The following PIWIL3 variants were observed in gnomAD, a reference collection of about 807,000 sequenced individuals.
PIWIL3 encodes piwi-like protein 3.
In PIWIL3, 101 loss-of-function variants were observed where a neutral mutation model predicts 109.7. That is an observed-to-expected ratio of 0.92 (90% CI 0.78 to 1.09). PIWIL3 has a LOEUF of 1.09. PIWIL3 is among the 50% of genes least tolerant of loss of function. The probability of loss-of-function intolerance (pLI) is 0.00; values close to 1 mark genes in which losing one functional copy is unlikely to be tolerated. For synonymous variants in PIWIL3, 373 were observed against 376.4 expected, an observed-to-expected ratio of 0.99 and a Z score of 0.10; for missense variants, 1,031 against 1,072.6, an observed-to-expected ratio of 0.96 and a Z score of 0.54.
At chr22:24,755,540 C>T (rs1924972051) in intron 6 of PIWIL3, among the ~76,000 whole-genome samples, 1 of 151,050 alleles carries the variant, frequency 6.6e-6, no homozygotes, top group African/African-American at 2.4e-5. Context: ...GTCTATTACT[C>T]TTTCTAGGCA....
intron 18 of PIWIL3, among the ~76,000 whole-genome samples, chr22:24,724,291 C>A (rs567185156): frequency 6.6e-6 from 1 of 151,870 alleles, no homozygotes; most frequent in South Asian, 2.1e-4. Flanking sequence ...CTAAAATCTG[C>A]ACAGTACGAT....
At chr22:24,726,099 G>T (rs1194332910) in intron 16 of PIWIL3, among the ~76,000 whole-genome samples, 1 of 152,126 alleles carries the variant, frequency 6.6e-6, no homozygotes, top group Non-Finnish European at 1.5e-5. Flanking sequence ...AGGCGTCTCG[G>T]CTCCACATTT....
At chr22:24,725,405 T>C (rs763727983) in intron 17 of PIWIL3, 40 bp downstream of exon 17, 96 of 1,606,348 alleles carry the variant, frequency 6.0e-5, no homozygotes, top group Non-Finnish European at 8.0e-5. Context: ...GAGAACTACT[T>C]GTATAGTGTC....
chr22:24,763,300 T>G (rs1276218210), intron 1 of PIWIL3, among the ~76,000 whole-genome samples: 1 of 150,082 alleles, frequency 6.7e-6, no homozygotes, highest in Admixed American at 6.6e-5. Flanking sequence ...CAGCTAGTTT[T>G]GTTTGTTTGT....
At chr22:24,749,194 A>C (rs1362477078) in intron 11 of PIWIL3, among the ~76,000 whole-genome samples, 173 bp from the exon 12 acceptor site, 2 of 152,176 alleles carry the variant, frequency 1.3e-5, no homozygotes, top group African/African-American at 4.8e-5. Context: ...TCATGTTCAT[A>C]TAGGTACTTA....
chr22:24,735,666 G>T, intron 13 of PIWIL3, 42 bp downstream of exon 13: 1 of 1,511,298 alleles, frequency 6.6e-7, no homozygotes, highest in Non-Finnish European at 8.9e-7. Flanking sequence ...CTTTAAGATT[G>T]CTAACAATCG....
In PIWIL3 at chr22:24,754,873, GGAAAGAATAGATTTT is replaced by G. The variant is rs768981100; in HGVS notation, c.693-24_693-10del. 5.9e-5 allele frequency: 94 copies of G among 1,606,728 alleles called. No homozygotes were observed. Among genetic ancestry groups the G allele is most frequent in the Non-Finnish European group, 3.8e-5 (45 of 1,173,598 alleles). On this transcript the variant is annotated splice_polypyrimidine_tract_variant and intron_variant, in intron 6 of 20. Transcript: ENST00000616349. ...CCAGCAGCTTGAAAGTTCTGGAAAT[GGAAAGAATAGATTTT>G]GTTGAAAGTACAGGGTACATTATTA... is the stretch of plus-strand genomic sequence containing the variant.
chr22:24,727,746 A>G (rs1027276794), intron 16 of PIWIL3, among the ~76,000 whole-genome samples: 1 of 152,260 alleles, frequency 6.6e-6, no homozygotes, highest in Non-Finnish European at 1.5e-5. Flanking sequence ...TTAGGCAGCA[A>G]TGGAAAATGA....
intron 12 of PIWIL3, among the ~76,000 whole-genome samples, chr22:24,748,687 A>G (rs976893077): frequency 5.3e-5 from 8 of 152,204 alleles, no homozygotes; most frequent in Admixed American, 4.6e-4. Context: ...GCCATGAGCA[A>G]TTGTCCAGAA....
intron 1 of PIWIL3, among the ~76,000 whole-genome samples, chr22:24,774,036 A>G (rs1480084102): frequency 1.3e-5 from 2 of 152,158 alleles, no homozygotes; most frequent in Non-Finnish European, 1.5e-5. Context: ...TTTTTAAAAT[A>G]AATATACATA....
intron 1 of PIWIL3, among the ~76,000 whole-genome samples, chr22:24,773,528 AGCAAAGAGCCC>A (rs879932159): frequency 6.6e-6 from 1 of 152,286 alleles, no homozygotes; most frequent in Non-Finnish European, 1.5e-5. Flanking sequence ...CAACCACAGG[AGCAAAGAGCCC>A]GCCTTTTCTG....
chr22:24,752,729 A>C (rs1435534314), intron 8 of PIWIL3, among the ~76,000 whole-genome samples: 1 of 152,178 alleles, frequency 6.6e-6, no homozygotes, highest in Non-Finnish European at 1.5e-5. Context: ...TATCGTTAGC[A>C]TTTTAAGAAA....
chr22:24,755,383 A>T (rs1215782842), intron 6 of PIWIL3, among the ~76,000 whole-genome samples: 1 of 152,226 alleles, frequency 6.6e-6, no homozygotes, highest in Non-Finnish European at 1.5e-5. Flanking sequence ...TCAGCCTCCC[A>T]AAGTGCTGGG....
chr22:24,763,812 T>C (rs1925604739), intron 1 of PIWIL3, among the ~76,000 whole-genome samples: 1 of 136,714 alleles, frequency 7.3e-6, no homozygotes, highest in African/African-American at 2.7e-5. Context: ...GAGTGGGACC[T>C]CCGCCCACCA....
chr22:24,726,649 T>C (rs992730840), intron 16 of PIWIL3, among the ~76,000 whole-genome samples: 4 of 152,176 alleles, frequency 2.6e-5, no homozygotes, highest in Non-Finnish European at 5.9e-5. Context: ...TTTACACTAT[T>C]AAAATAAGTA....
chr22:24,728,661 AT>A (rs1329121862), intron 14 of PIWIL3, among the ~76,000 whole-genome samples: 1 of 152,192 alleles, frequency 6.6e-6, no homozygotes, highest in African/African-American at 2.4e-5. Flanking sequence ...ATAAACTATA[AT>A]TAACATTAAA....
chr22:24,749,341 C>T, intron 11 of PIWIL3, 63 bp downstream of exon 11: 1 of 1,583,680 alleles, frequency 6.3e-7, no homozygotes, highest in Non-Finnish European at 8.6e-7. Context: ...GGCTGAGATG[C>T]CATCAGCTTC....
intron 4 of PIWIL3, among the ~76,000 whole-genome samples, chr22:24,757,617 C>CAT (rs1925130655): frequency 6.8e-5 from 8 of 118,352 alleles, no homozygotes; most frequent in African/African-American, 2.2e-4. Flanking sequence ...AATTTACATA[C>CAT]ACACACACAC....
At position 24,762,520 on chromosome 22, in the gene PIWIL3, C is replaced by A. The variant is rs757294840; in HGVS notation, c.-21G>T. Reference sequence around the variant, plus strand: ...GGCATTGTGGTCCTGAAGGTGATGACCCTGAAGAATACAGTTATATTAGAC... The same window carrying A: ...GGCATTGTGGTCCTGAAGGTGATGAACCTGAAGAATACAGTTATATTAGAC... On this transcript the variant is annotated splice_region_variant and 5_prime_UTR_variant, in exon 2 of 21. Coordinates refer to ENST00000616349, the MANE Select transcript of PIWIL3 (RefSeq NM_001255975.1). 4.1e-5 allele frequency: 65 copies of A among 1,603,092 alleles called. No individual in the cohort carries two copies. The highest frequency in any genetic ancestry group is 3.3e-4 in the Middle Eastern group (2 of 6,030).
Sources: gnomAD v4.1 joint callset for allele counts (sites outside exome capture counted in the v4.1 genomes callset) on GRCh38, gnomAD v4.1.1 for gene constraint, MANE v1.5 for transcripts, NCBI Gene and HGNC (gene_info 2026-07-23, HGNC 2026-07-21) for gene names.